The following GRIN2B variants were observed in gnomAD, a reference collection of about 807,000 sequenced individuals.
The protein encoded by GRIN2B is glutamate receptor ionotropic, NMDA 2B.
In GRIN2B, 5 loss-of-function variants were observed where a neutral mutation model predicts 114.5. The ratio of observed to expected loss-of-function variants is 0.04; its 90% CI spans 0.02 to 0.09. GRIN2B has a LOEUF of 0.09. Ranked by LOEUF, GRIN2B falls within the 10% of genes least tolerant of loss-of-function variation. The pLI, the probability that GRIN2B is intolerant of heterozygous loss-of-function variation, is 1.00. For missense variants in GRIN2B, 1,108 were observed against 1,943.5 expected (o/e 0.57, Z 8.08); for synonymous variants, 787 against 745.1 (o/e 1.06, Z -0.92).
intron 4 of GRIN2B, among the ~76,000 whole-genome samples, chr12:13,746,024 A>C (rs1863375835): frequency 6.6e-6 from 1 of 151,878 alleles, no homozygotes; most frequent in South Asian, 2.1e-4. Context: ...GAGGAGGGAG[A>C]CAAAAAAAAT....
intron 4 of GRIN2B, among the ~76,000 whole-genome samples, chr12:13,747,722 G>A (rs1863412197): frequency 6.6e-6 from 1 of 152,170 alleles, no homozygotes; most frequent in Non-Finnish European, 1.5e-5. Flanking sequence ...CTGTAAATTA[G>A]ATTAAGTGAA....
chr12:13,753,876 C>A lies in GRIN2B; in HGVS notation c.451G>T (p.Glu151Ter), dbSNP rs1555133195. The A allele has an allele frequency of 6.2e-7, 1 of 1,613,314 alleles. No homozygotes were observed. The highest frequency in any genetic ancestry group is 1.1e-5 in the South Asian group (1 of 90,994). The change falls in exon 4 of 14, where the codon GAA becomes TAA. Residue 151 changes from glutamate (E) to a stop codon, truncating the protein, a stop_gained. Transcript: ENST00000609686. LOFTEE classifies it high-confidence loss of function. This position sits in a 1 kb window ranked among gnomAD's most constrained non-coding sequence, Gnocchi z 6.2. ...TTGAGCATTACGGAAGCTTGCTGTT[C>A]AATTGATGGGCCAAACTGGAAGAAC... ...SMFFQFGPSI[E>*]QQASVMLNIM...
intron 5 of GRIN2B, among the ~76,000 whole-genome samples, chr12:13,668,920 G>T (rs1949999920): frequency 6.7e-6 from 1 of 148,648 alleles, no homozygotes; most frequent in Non-Finnish European, 1.5e-5. Flanking sequence ...AGAAGGAAAA[G>T]GAAAGAGAAA....
intron 2 of GRIN2B, among the ~76,000 whole-genome samples, chr12:13,929,507 T>C (rs549566374): frequency 1.3e-5 from 2 of 152,326 alleles, no homozygotes; most frequent in South Asian, 2.1e-4. Context: ...TCTTACGTTA[T>C]GCTAAAGAAG....
At chr12:13,617,555 T>C (rs1949460003) in intron 5 of GRIN2B, among the ~76,000 whole-genome samples, 2 of 152,254 alleles carry the variant, frequency 1.3e-5, no homozygotes, top group South Asian at 4.1e-4. Context: ...AACATGGCTT[T>C]GTTGGGGGGT....
At chr12:13,904,571 T>C (rs1309758123) in intron 2 of GRIN2B, among the ~76,000 whole-genome samples, 2 of 152,120 alleles carry the variant, frequency 1.3e-5, no homozygotes, top group Non-Finnish European at 2.9e-5. Context: ...CACTTGCTCT[T>C]CACTCCATCT....
intron 2 of GRIN2B, among the ~76,000 whole-genome samples, chr12:13,934,776 G>GCTCACCAACA (rs1867098573): frequency 6.9e-6 from 1 of 144,164 alleles, no homozygotes; most frequent in Non-Finnish European, 1.5e-5. Flanking sequence ...CAGGAGTGAT[G>GCTCACCAACA]CTCACCAACA....
At position 13,728,984 on chromosome 12, in the gene GRIN2B, A is replaced by T. The variant is rs116330420; in HGVS notation, c.1010+24333T>A. Among the ~76,000 whole-genome samples, 842 of 152,100 alleles carry T rather than the reference A, an allele frequency of 5.5e-3. 6 individuals are homozygous for T. Among genetic ancestry groups the T allele is most frequent in the African/African-American group, 0.019 (785 of 41,492 alleles). ...ACCTCCCTCAGCACCCATCAGTAAA[A>T]CTCTCTCCATACACAAGTATCTTCT... is the stretch of plus-strand genomic sequence containing the variant. On this transcript the variant is annotated intron_variant, in intron 4 of 13. Coordinates refer to ENST00000609686, the MANE Select transcript of GRIN2B (RefSeq NM_000834.5).
chr12:13,781,752 T>C (rs1342206292), intron 3 of GRIN2B, among the ~76,000 whole-genome samples: 1 of 152,168 alleles, frequency 6.6e-6, no homozygotes, highest in East Asian at 1.9e-4. Context: ...GAAAATCTCT[T>C]GCAATCTGAA....
chr12:13,622,436 G>A (rs1484005679), intron 5 of GRIN2B, among the ~76,000 whole-genome samples: 1 of 152,080 alleles, frequency 6.6e-6, no homozygotes, highest in African/African-American at 2.4e-5. Flanking sequence ...AGGACAGGAG[G>A]ACACCCTCAC....
At chr12:13,651,803 C>T (rs1424036768) in intron 5 of GRIN2B, among the ~76,000 whole-genome samples, 1 of 152,074 alleles carries the variant, frequency 6.6e-6, no homozygotes, top group Non-Finnish European at 1.5e-5. Context: ...TTGAACAGAT[C>T]CACGTTTCTC....
chr12:13,792,358 G>C (rs980742249), intron 3 of GRIN2B, among the ~76,000 whole-genome samples: 2 of 152,262 alleles, frequency 1.3e-5, no homozygotes, highest in Non-Finnish European at 2.9e-5. Context: ...CATAGGATGA[G>C]AGAAGCGGTT....
intron 3 of GRIN2B, among the ~76,000 whole-genome samples, chr12:13,803,585 T>C (rs1565543217): frequency 6.6e-6 from 1 of 152,160 alleles, no homozygotes; most frequent in African/African-American, 2.4e-5. Context: ...ACTATAATGT[T>C]AAAAAAGAAG....
rs924143448 is a variant in GRIN2B at position 13,777,880 on chromosome 12, A to T, written c.412-23965T>A. Among the ~76,000 whole-genome samples, 5 of 152,152 alleles carry T rather than the reference A, an allele frequency of 3.3e-5. No individual in the cohort carries two copies. The East Asian group carries it at 7.7e-4, about 23-fold the overall frequency. On this transcript the variant is annotated intron_variant, in intron 3 of 13. Coordinates refer to ENST00000609686, the MANE Select transcript of GRIN2B (RefSeq NM_000834.5). ...CACAATCTCTCCTAAATTTTTTACAATATCTGTGGTCTACTTTTTCTCAGT... is the reference window on the plus strand; with the variant it reads ...CACAATCTCTCCTAAATTTTTTACATTATCTGTGGTCTACTTTTTCTCAGT...
chr12:13,587,974 A>G (rs1310005195), intron 10 of GRIN2B, among the ~76,000 whole-genome samples: 2 of 152,244 alleles, frequency 1.3e-5, no homozygotes, highest in African/African-American at 4.8e-5. Flanking sequence ...CTTTTGCACC[A>G]GCCTTAATAT....
At chr12:13,744,719 G>A (rs1381254619) in intron 4 of GRIN2B, among the ~76,000 whole-genome samples, 3 of 152,144 alleles carry the variant, frequency 2.0e-5, no homozygotes, top group Non-Finnish European at 2.9e-5. Flanking sequence ...TTTCAGCAGC[G>A]GGAAGCCCTA....
chr12:13,768,692 G>A (rs887585257), intron 3 of GRIN2B, among the ~76,000 whole-genome samples: 2 of 152,144 alleles, frequency 1.3e-5, no homozygotes, highest in Admixed American at 6.5e-5. Flanking sequence ...TGGTTGTTGT[G>A]CAACAACTTA....
chr12:13,737,204 T>G (rs1863200324), intron 4 of GRIN2B, among the ~76,000 whole-genome samples: 1 of 151,902 alleles, frequency 6.6e-6, no homozygotes, highest in African/African-American at 2.4e-5. Context: ...AAAGCTCATA[T>G]AATATCTTTT....
intron 4 of GRIN2B, among the ~76,000 whole-genome samples, chr12:13,738,436 T>C (rs1418545172): frequency 2.0e-5 from 3 of 152,192 alleles, no homozygotes; most frequent in Non-Finnish European, 4.4e-5. Flanking sequence ...GTTTTGATGC[T>C]CATGTTGCCA....
Sources: allele counts gnomAD v4.1 joint callset (sites outside exome capture counted in the v4.1 genomes callset), GRCh38; gene constraint gnomAD v4.1.1; non-coding constraint Gnocchi (gnomAD v3.1); transcripts MANE v1.5; gene names NCBI Gene and HGNC (gene_info 2026-07-23, HGNC 2026-07-21).